The following SHC3 variants were observed in gnomAD, a reference collection of about 807,000 sequenced individuals.
SHC3 encodes the protein SHC adaptor protein 3.
In SHC3, 15 loss-of-function variants were observed where a neutral mutation model predicts 60.4. The ratio of observed to expected loss-of-function variants is 0.25; its 90% confidence interval spans 0.17 to 0.38. The LOEUF (loss-of-function observed/expected upper bound fraction) is 0.38, where lower values mean the gene tolerates loss of function less well. SHC3 is among the 10% of genes least tolerant of loss of function. The probability of loss-of-function intolerance (pLI) is 1.00; values close to 1 mark genes in which losing one functional copy is unlikely to be tolerated. For missense variants in SHC3, 677 were observed against 786.1 expected (o/e 0.86, Z 1.66); for synonymous variants, 294 against 325.9 (o/e 0.90, Z 1.05).
At chr9:89,174,469 G>T (rs1184538886) in intron 1 of SHC3, among the ~76,000 whole-genome samples, 1 of 152,148 alleles carries the variant, frequency 6.6e-6, no homozygotes, top group Non-Finnish European at 1.5e-5. Context: ...ATGTAACTTC[G>T]CTGGAGCCTT....
Position 89,092,741 on chromosome 9 carries a change from T to G in SHC3, c.546-14838A>C, listed in dbSNP as rs561974038. Reference sequence around the variant, plus strand: ...CATTTCTAACACAAAAGAAGGAAGGTGTGTGTGTGTGTGTGTGTGTATGTG... The same window carrying G: ...CATTTCTAACACAAAAGAAGGAAGGGGTGTGTGTGTGTGTGTGTGTATGTG... On this transcript the variant is annotated intron_variant, in intron 2 of 11. Transcript: ENST00000375835. Among the ~76,000 whole-genome samples the G allele has an allele frequency of 1.7e-4, 22 of 127,216 alleles. No individual in the cohort carries two copies. In the South Asian group the frequency reaches 4.4e-3, roughly 26 times the overall value. 83.5% of individuals were successfully genotyped at this position (127,216 alleles called of 152,430 possible).
intron 11 of SHC3, among the ~76,000 whole-genome samples, chr9:89,031,580 T>G (rs1318729445): frequency 6.6e-6 from 1 of 152,254 alleles, no homozygotes; most frequent in East Asian, 1.9e-4. Flanking sequence ...TTCATTCTTT[T>G]TATAGCTGAA....
chr9:89,073,755 G>A (rs1413410247), intron 4 of SHC3, among the ~76,000 whole-genome samples: 1 of 152,152 alleles, frequency 6.6e-6, no homozygotes, highest in African/African-American at 2.4e-5. Context: ...AGGTGGGAGG[G>A]GAGTTCAGGG....
rs556865911 is a variant in SHC3 at position 89,055,255 on chromosome 9, A to G, written c.836-3092T>C. ...GTTCTCAGCTTCCTCCTCTCCCCAA[A>G]TAAGCCCAGAGGCTAGTAGCTGCTC... On this transcript the variant is annotated intron_variant, in intron 6 of 11. Transcript: ENST00000375835. Among the ~76,000 whole-genome samples the G allele has an allele frequency of 3.3e-4, 50 of 152,314 alleles. No individual in the cohort carries two copies. In the Middle Eastern group the frequency reaches 0.01, roughly 31 times the overall value.
At chr9:89,177,927 G>A (rs1294024908) in intron 1 of SHC3, 60 bp downstream of exon 1, 2 of 1,166,404 alleles carry the variant, frequency 1.7e-6, no homozygotes, top group East Asian at 3.7e-5. Flanking sequence ...GAATGAAGGA[G>A]TCTGCCCCGA....
chr9:89,113,423 C>T (rs1825978547), intron 1 of SHC3, among the ~76,000 whole-genome samples: 1 of 151,976 alleles, frequency 6.6e-6, no homozygotes, highest in Non-Finnish European at 1.5e-5. Flanking sequence ...ACAGAAAAAA[C>T]TGCATTTGGT....
chr9:89,065,914 G>A (rs1825171472), intron 5 of SHC3, among the ~76,000 whole-genome samples: 1 of 152,152 alleles, frequency 6.6e-6, no homozygotes, highest in Non-Finnish European at 1.5e-5. Context: ...TGAGCAGCAA[G>A]GAGAAAAGGC....
At chr9:89,111,654 G>A (rs921614652) in intron 2 of SHC3, among the ~76,000 whole-genome samples, 3 of 151,810 alleles carry the variant, frequency 2.0e-5, no homozygotes, top group Non-Finnish European at 2.9e-5. Flanking sequence ...TATTATTATG[G>A]TACCTATAAC....
At chr9:89,057,694 C>T (rs1403619912) in intron 6 of SHC3, among the ~76,000 whole-genome samples, 1 of 152,058 alleles carries the variant, frequency 6.6e-6, no homozygotes, top group Non-Finnish European at 1.5e-5. Flanking sequence ...TGAGCATCTA[C>T]TGTGCACAAG....
At chr9:89,131,412 G>C (rs1465274025) in intron 1 of SHC3, among the ~76,000 whole-genome samples, 1 of 152,114 alleles carries the variant, frequency 6.6e-6, no homozygotes, top group East Asian at 1.9e-4. Context: ...ATTTTATGAG[G>C]CCAGCATCAT....
intron 1 of SHC3, among the ~76,000 whole-genome samples, chr9:89,125,263 CATCT>C (rs1370171972): frequency 6.6e-6 from 1 of 152,112 alleles, no homozygotes; most frequent in East Asian, 1.9e-4. Context: ...CTGTACGAGA[CATCT>C]AAATTTCCGA....
intron 6 of SHC3, among the ~76,000 whole-genome samples, chr9:89,056,042 A>G (rs1564105581): frequency 2.0e-5 from 3 of 152,218 alleles, no homozygotes. Context: ...TCAAGACACA[A>G]CCACATTAGG....
intron 10 of SHC3, among the ~76,000 whole-genome samples, chr9:89,040,008 C>T (rs1456844338): frequency 6.6e-6 from 1 of 150,428 alleles, no homozygotes; most frequent in Non-Finnish European, 1.5e-5. Flanking sequence ...CCATTGCCAC[C>T]ACCACCACCA....
chr9:89,127,735 G>T (rs896256118), intron 1 of SHC3, among the ~76,000 whole-genome samples: 3 of 151,820 alleles, frequency 2.0e-5, no homozygotes, highest in African/African-American at 7.3e-5. Flanking sequence ...TATTAGAGAA[G>T]TATGCTCTTG....
At chr9:89,037,297 C>T (rs1262481508) in intron 11 of SHC3, 5 of 566,546 alleles carry the variant, frequency 8.8e-6, no homozygotes, top group Non-Finnish European at 1.6e-5. Context: ...AATAACTCTA[C>T]CCTGCTTTGT....
chr9:89,091,090 A>C (rs1564135665), intron 2 of SHC3, among the ~76,000 whole-genome samples: 1 of 152,266 alleles, frequency 6.6e-6, no homozygotes, highest in Non-Finnish European at 1.5e-5. Context: ...ATTATGAAGT[A>C]AATTCTCCCT....
At chr9:89,167,082 C>T (rs1021130562) in intron 1 of SHC3, among the ~76,000 whole-genome samples, 3 of 151,634 alleles carry the variant, frequency 2.0e-5, no homozygotes, top group Non-Finnish European at 4.4e-5. Context: ...AGATGTTAAC[C>T]ATTGGCCAGC....
At chr9:89,049,343 A>G (rs71510287) in intron 7 of SHC3, among the ~76,000 whole-genome samples, 12,233 of 152,184 alleles carry the variant, frequency 0.08, 659 homozygotes, top group Admixed American at 0.12. Flanking sequence ...CATTTTTCTC[A>G]GTGGATAAGA....
intron 1 of SHC3, among the ~76,000 whole-genome samples, chr9:89,120,227 C>G (rs1450052471): frequency 6.6e-6 from 1 of 152,046 alleles, no homozygotes; most frequent in African/African-American, 2.4e-5. Context: ...CATAAGTGAA[C>G]TCATGAAAAT....
Sources: gnomAD v4.1 joint callset for allele counts (sites outside exome capture counted in the v4.1 genomes callset) on GRCh38, gnomAD v4.1.1 for gene constraint, MANE v1.5 for transcripts, NCBI Gene and HGNC (gene_info 2026-07-23, HGNC 2026-07-21) for gene names.